PGCKA1: variants seen among roughly 807,000 people sequenced by gnomAD.
PGCKA1 encodes the protein PDCD10 and GCKIII kinases-associated protein 1.
the PGCKA1 span, among the ~76,000 whole-genome samples, chr4:37,491,182 T>G: frequency 6.6e-6 from 1 of 152,214 alleles, no homozygotes; most frequent in African/African-American, 2.4e-5. Flanking sequence ...ATTTACTTCC[T>G]GACACCTTAA....
chr4:37,504,206 T>G, the PGCKA1 span, among the ~76,000 whole-genome samples: 2 of 152,178 alleles, frequency 1.3e-5, no homozygotes, highest in Non-Finnish European at 2.9e-5. Context: ...CAACGTACAC[T>G]CTTGGCAACT....
the PGCKA1 span, among the ~76,000 whole-genome samples, chr4:37,504,439 A>AT: frequency 8.6e-5 from 13 of 150,952 alleles, no homozygotes; most frequent in East Asian, 3.9e-4. Flanking sequence ...ATAAATTAAA[A>AT]TTTTTTTTTT....
chr4:37,573,249 T>C, the PGCKA1 span, among the ~76,000 whole-genome samples: 1 of 152,228 alleles, frequency 6.6e-6, no homozygotes, highest in Non-Finnish European at 1.5e-5. Flanking sequence ...TACAAATCTA[T>C]CAGTTAGTAG....
chr4:37,560,172 C>G, the PGCKA1 span, among the ~76,000 whole-genome samples: 1 of 152,202 alleles, frequency 6.6e-6, no homozygotes, highest in Admixed American at 6.5e-5. Context: ...CCAATGCCAC[C>G]ATCTCTTATG....
the PGCKA1 span, among the ~76,000 whole-genome samples, chr4:37,565,395 C>T: frequency 1.3e-5 from 2 of 152,152 alleles, no homozygotes; most frequent in Non-Finnish European, 2.9e-5. Context: ...GAGATTGGCT[C>T]ACAACACGGG....
the PGCKA1 span, among the ~76,000 whole-genome samples, chr4:37,567,818 C>T: frequency 4.9e-3 from 746 of 152,158 alleles, 5 homozygotes; most frequent in African/African-American, 0.017. Context: ...TGTGAGCATT[C>T]GTCACACACC....
the PGCKA1 span, chr4:37,558,222 T>C: frequency 6.6e-6 from 1 of 152,024 alleles, no homozygotes; most frequent in Admixed American, 6.5e-5. Context: ...AAAGTCTCCT[T>C]CTTTCTGACT....
the PGCKA1 span, among the ~76,000 whole-genome samples, chr4:37,462,245 AACCCTGTGATATCTATGT>A: frequency 6.6e-6 from 1 of 152,218 alleles, no homozygotes; most frequent in Admixed American, 6.5e-5. Flanking sequence ...CCTTCCCAAC[AACCCTGTGATATCTATGT>A]AGGTAGGATT....
the PGCKA1 span, among the ~76,000 whole-genome samples, chr4:37,515,383 T>C: frequency 6.6e-6 from 1 of 152,136 alleles, no homozygotes; most frequent in Non-Finnish European, 1.5e-5. Context: ...TTGGTTGAAG[T>C]AGTCACAAAG....
the PGCKA1 span, among the ~76,000 whole-genome samples, chr4:37,473,888 C>A: frequency 1.3e-5 from 2 of 152,184 alleles, no homozygotes; most frequent in African/African-American, 4.8e-5. Context: ...TAGGGCATAT[C>A]TGCTTGCATA....
At chr4:37,569,096 C>CAA in the PGCKA1 span, among the ~76,000 whole-genome samples, 1 of 146,220 alleles carries the variant, frequency 6.8e-6, no homozygotes, top group African/African-American at 2.5e-5. Flanking sequence ...GACCCTGTCT[C>CAA]AAAAAAAAAG....
At chr4:37,579,141 A>C in the PGCKA1 span, among the ~76,000 whole-genome samples, 12 of 152,164 alleles carry the variant, frequency 7.9e-5, no homozygotes, top group Non-Finnish European at 1.5e-4. Flanking sequence ...AAGAAAAAAA[A>C]CCAAAAACAA....
the PGCKA1 span, among the ~76,000 whole-genome samples, chr4:37,482,038 C>T: frequency 6.6e-6 from 1 of 152,144 alleles, no homozygotes; most frequent in African/African-American, 2.4e-5. Context: ...TGGAGGCTTC[C>T]CCAGCCAAGC....
the PGCKA1 span, among the ~76,000 whole-genome samples, chr4:37,570,915 G>C: frequency 1.3e-5 from 2 of 152,208 alleles, no homozygotes; most frequent in Non-Finnish European, 2.9e-5. Flanking sequence ...CCGAGCTCCT[G>C]CCTCCGGCTT....
At chr4:37,476,141 T>C in the PGCKA1 span, among the ~76,000 whole-genome samples, 5 of 152,120 alleles carry the variant, frequency 3.3e-5, no homozygotes, top group African/African-American at 1.2e-4. Flanking sequence ...TAGGATAATA[T>C]GATCAATCAT....
At chr4:37,520,949 T>C in the PGCKA1 span, among the ~76,000 whole-genome samples, 1,265 of 152,342 alleles carry the variant, frequency 8.3e-3, 15 homozygotes, top group African/African-American at 0.029. Flanking sequence ...TATTTGGGTA[T>C]TCTCTTTTTT....
At chr4:37,457,184 TA>T in the PGCKA1 span, among the ~76,000 whole-genome samples, 1 of 152,230 alleles carries the variant, frequency 6.6e-6, no homozygotes, top group Non-Finnish European at 1.5e-5. Context: ...AAAGCTGAAG[TA>T]AACTGTTGCC....
At chr4:37,589,822 G>A in the PGCKA1 span, among the ~76,000 whole-genome samples, 1 of 152,138 alleles carries the variant, frequency 6.6e-6, no homozygotes, top group South Asian at 2.1e-4. Flanking sequence ...AGTAAAGATG[G>A]GGTTTCACCA....
At chr4:37,576,124 C>T in the PGCKA1 span, among the ~76,000 whole-genome samples, 1 of 151,910 alleles carries the variant, frequency 6.6e-6, no homozygotes, top group South Asian at 2.1e-4. Context: ...TTTTCTATTT[C>T]TGTGAAGAAA....
Sources: gnomAD v4.1 joint callset for allele counts (sites outside exome capture counted in the v4.1 genomes callset) on GRCh38, gnomAD v4.1.1 for gene constraint, MANE v1.5 for transcripts, NCBI Gene and HGNC (gene_info 2026-07-23, HGNC 2026-07-21) for gene names.